Variants in DPM2 observed in about 807,000 individuals in gnomAD.
The protein encoded by DPM2 is dolichol phosphate-mannose biosynthesis regulatory protein.
Under a neutral mutation model 12.1 loss-of-function variants are expected in DPM2, and 8 were observed. The observed-to-expected ratio is 0.66, with a 90% CI of 0.39 to 1.19. The LOEUF is 1.19. Ranked by LOEUF, DPM2 falls within the 50% of genes most tolerant of loss-of-function variation. DPM2 has a pLI of 0.01. For missense variants in DPM2, 93 were observed against 102.5 expected (o/e 0.91, Z 0.40); for synonymous variants, 38 against 44.7 (o/e 0.85, Z 0.60).
At chr9:127,937,720 A>G (rs1469464881) in intron 1 of DPM2, 98 bp downstream of exon 1, 2 of 1,494,838 alleles carry the variant, frequency 1.3e-6, no homozygotes, top group Non-Finnish European at 1.9e-6. Flanking sequence ...GGGGCGGGAG[A>G]GCAATCCCCG....
Position 127,935,799 on chromosome 9 carries a change from A to G in DPM2, c.197-19T>C. The G allele has an allele frequency of 6.2e-7, 1 of 1,612,568 alleles. No homozygotes were observed. The highest frequency in any genetic ancestry group is 8.5e-7 in the Non-Finnish European group (1 of 1,178,718). On this transcript the variant is annotated intron_variant, in intron 3 of 3. Coordinates refer to ENST00000314392, the MANE Select transcript of DPM2 (RefSeq NM_003863.4). ...AACAGTCCTGGGATACACAGACCAG[A>G]AAGGCCACATAAGATCTAAGCTCAG...
At position 127,936,566 on chromosome 9, in the gene DPM2, C is replaced by T. The variant is rs11552794; in HGVS notation, c.183G>A (p.Leu61=). The T allele has an allele frequency of 9.8e-3, 15,484 of 1,583,806 alleles. 1,013 individuals carry two copies. The East Asian group carries it at 0.2, about 20-fold the overall frequency. The change falls in exon 3 of 4, where the codon CTG becomes CTA. Residue 61 remains leucine (L), a synonymous_variant. Coordinates refer to ENST00000314392, the MANE Select transcript of DPM2 (RefSeq NM_003863.4). ...GTGATGACTTACCCACAAACAGGAGCAGCAGGAGGCCTGCAGCCAGTGGGA... is the reference window on the plus strand; with the variant it reads ...GTGATGACTTACCCACAAACAGGAGTAGCAGGAGGCCTGCAGCCAGTGGGA... The part of the protein sequence containing the change: ...VAIPLAAGLL[L]LLFVGLFISY...
Position 127,936,260 on chromosome 9 carries a change from G to A in DPM2, c.196+293C>T, listed in dbSNP as rs930781167. ...TCCCCATCCCTAGGAAGCCATGAGA[G>A]AGAGAGGTGCAGGAATTAGAAGCCA... On this transcript the variant is annotated intron_variant, in intron 3 of 3. Coordinates refer to ENST00000314392, the MANE Select transcript of DPM2 (RefSeq NM_003863.4). 4.9e-6 allele frequency: 7 copies of A among 1,433,104 alleles called. No individual in the cohort carries two copies. The African/African-American group carries it at 1.0e-4, about 21-fold the overall frequency. 88.8% of individuals were successfully genotyped at this position (1,433,104 alleles called of 1,614,324 possible). A position where few individuals can be genotyped will look rare whatever the true frequency, so the allele number is the denominator to read the frequency against.
chr9:127,936,584 C>T lies in DPM2; in HGVS notation c.165G>A (p.Leu55=). 2 of 1,565,768 alleles carry T rather than the reference C, an allele frequency of 1.3e-6. No individual in the cohort carries two copies. The highest frequency in any genetic ancestry group is 8.7e-7 in the Non-Finnish European group (1 of 1,153,086). Residue 55 remains leucine, a synonymous_variant, in exon 3 of 4, where the codon CTG becomes CTA. Coordinates refer to ENST00000314392, the MANE Select transcript of DPM2 (RefSeq NM_003863.4). ...LPRAYAVAIP[L]AAGLLLLLFV... is the part of the protein sequence containing the mutation. ...ACAGGAGCAGCAGGAGGCCTGCAGC[C>T]AGTGGGATGGCGACAGCATAGGCTC...
rs1831508316 is a variant in DPM2 at position 127,936,555 on chromosome 9, A to C, written c.194T>G (p.Val65Gly). The change falls in exon 3 of 4, where the codon GTG becomes GGG. Residue 65 changes from valine to glycine, a missense_variant and splice_region_variant. By Grantham distance (109) the Val-to-Gly change is moderately radical. Transcript: ENST00000314392. ...AAGGGGAGGAGGTGATGACTTACCC[A>C]CAAACAGGAGCAGCAGGAGGCCTGC... is the stretch of plus-strand genomic sequence containing the variant. ...LAAGLLLLLF[V>G]GLFISYVMLK... 1 of 1,591,902 alleles carries C rather than the reference A, an allele frequency of 6.3e-7. No individual in the cohort carries two copies. The highest frequency in any genetic ancestry group is 8.6e-7 in the Non-Finnish European group (1 of 1,165,722).
chr9:127,936,647 G>T lies in DPM2; in HGVS notation c.102C>A (p.Ile34=), dbSNP rs777078287. 6.7e-7 allele frequency: 1 copy of T among 1,498,626 alleles called. No individual in the cohort carries two copies. Among genetic ancestry groups the T allele is most frequent in the South Asian group, 1.4e-5 (1 of 73,764 alleles). The allele number at this position is 1,498,626 out of a possible 1,614,324, so 92.8% of individuals were successfully genotyped here. Residue 34 remains isoleucine, a synonymous_variant, in exon 3 of 4, where the codon ATC becomes ATA. Coordinates refer to ENST00000314392, the MANE Select transcript of DPM2 (RefSeq NM_003863.4). ...ACTTGTGGATGACATGCTGACTGTCGATGAATGGCTGGCATCGAGGGAAGA... is the reference window on the plus strand; with the variant it reads ...ACTTGTGGATGACATGCTGACTGTCTATGAATGGCTGGCATCGAGGGAAGA... The part of the protein sequence containing the change: ...YTAWVILLPF[I]DSQHVIHKYF...
chr9:127,937,649 G>C (rs1588690463), intron 1 of DPM2, 126 bp from the exon 2 acceptor site: 1 of 1,203,730 alleles, frequency 8.3e-7, no homozygotes. Context: ...GGCTGACTAG[G>C]GATCAGTTTC....
chr9:127,937,279 G>A, intron 2 of DPM2, 155 bp downstream of exon 2: 1 of 575,200 alleles, frequency 1.7e-6, no homozygotes, highest in Non-Finnish European at 3.1e-6. Context: ...TATAAAATGC[G>A]GTACCACTGG....
intron 1 of DPM2, 91 bp downstream of exon 1, chr9:127,937,727 C>T: frequency 6.5e-7 from 1 of 1,533,164 alleles, no homozygotes; most frequent in Non-Finnish European, 9.0e-7. Context: ...GAGAGCAATC[C>T]CCGTTCCAAG....
In DPM2 at chr9:127,937,409, G is replaced by A. The variant is rs746441485; in HGVS notation, c.93+25C>T. The A allele has an allele frequency of 1.7e-5, 27 of 1,590,532 alleles. No individual in the cohort carries two copies. In the South Asian group the frequency reaches 2.9e-4, roughly 17 times the overall value. ...CGGTGCCAGGGCTCGGGGAAGGTGA[G>A]CAGCGGACGGGGAGAATGACATACC... On this transcript the variant is annotated intron_variant, in intron 2 of 3. Transcript: ENST00000314392.
chr9:127,937,590 C>A (rs1055552615), intron 1 of DPM2, 67 bp from the exon 2 acceptor site: 6 of 1,384,430 alleles, frequency 4.3e-6, no homozygotes, highest in Non-Finnish European at 6.1e-6. Flanking sequence ...GGAAGCGGGG[C>A]GTCGCGGCCC....
At chr9:127,936,791 G>GACACCCAAAT in intron 2 of DPM2, 136 bp from the exon 3 acceptor site, 1 of 709,786 alleles carries the variant, frequency 1.4e-6, no homozygotes, top group Non-Finnish European at 2.0e-6. Flanking sequence ...TTAAGATTAC[G>GACACCCAAAT]GCATTTGGGT....
chr9:127,935,609 A>T lies in DPM2; in HGVS notation c.*113T>A. On this transcript the variant is annotated 3_prime_UTR_variant, in exon 4 of 4. Transcript: ENST00000314392. Reference sequence around the variant, plus strand: ...CCATGCCATGGGGACTCTGCAGGACAGGCAGGCTTGAGGAGCCACTGTGCC... The same window carrying T: ...CCATGCCATGGGGACTCTGCAGGACTGGCAGGCTTGAGGAGCCACTGTGCC... 9.3e-7 allele frequency: 1 copy of T among 1,072,572 alleles called. No homozygotes were observed. Among genetic ancestry groups the T allele is most frequent in the Non-Finnish European group, 1.4e-6 (1 of 713,516 alleles). 66.4% of individuals were successfully genotyped at this position (1,072,572 alleles called of 1,614,324 possible).
chr9:127,937,561 T>C, intron 1 of DPM2, 38 bp from the exon 2 acceptor site: 1 of 1,545,446 alleles, frequency 6.5e-7, no homozygotes. Context: ...GAAGTGACCC[T>C]CTATTTCGGC....
intron 3 of DPM2, 133 bp from the exon 4 acceptor site, chr9:127,935,913 A>C (rs1831497497): frequency 1.3e-6 from 1 of 784,494 alleles, no homozygotes; most frequent in African/African-American, 1.7e-5. Context: ...GAACCTGCTT[A>C]TCTCCCTAGT....
At chr9:127,935,839 C>T (rs1302883964) in intron 3 of DPM2, 59 bp from the exon 4 acceptor site, 7 of 1,553,564 alleles carry the variant, frequency 4.5e-6, no homozygotes, top group Non-Finnish European at 6.2e-6. Context: ...GCTGGGAGGC[C>T]AGGGCATGAC....
intron 3 of DPM2, chr9:127,936,265 A>C: frequency 7.0e-7 from 1 of 1,432,446 alleles, no homozygotes; most frequent in Non-Finnish European, 9.2e-7. Context: ...TGAGAGAGAG[A>C]GGTGCAGGAA....
Position 127,937,398 on chromosome 9 carries a change from G to C in DPM2, c.93+36C>G, listed in dbSNP as rs1235761378. 3 of 1,559,130 alleles carry C rather than the reference G, an allele frequency of 1.9e-6. No individual in the cohort carries two copies. In the Admixed American group the frequency reaches 5.1e-5, roughly 27 times the overall value. On this transcript the variant is annotated intron_variant, in intron 2 of 3. Transcript: ENST00000314392. ...AGTTGCTCTGGCGGTGCCAGGGCTC[G>C]GGGAAGGTGAGCAGCGGACGGGGAG...
chr9:127,937,629 G>T, intron 1 of DPM2, 106 bp from the exon 2 acceptor site: 1 of 1,233,440 alleles, frequency 8.1e-7, no homozygotes, highest in South Asian at 1.3e-5. Context: ...CCATTCAACA[G>T]ATGGTAGAGG....
Sources: allele counts gnomAD v4.1 joint callset, GRCh38; gene constraint gnomAD v4.1.1; transcripts MANE v1.5; gene names NCBI Gene and HGNC (gene_info 2026-07-23, HGNC 2026-07-21).